The following USF3 variants were observed in gnomAD, a reference collection of about 807,000 sequenced individuals.
USF3 encodes upstream transcription factor family member 3.
USF3 carries 29 observed loss-of-function variants against 157.5 expected under a neutral mutation model. The observed-to-expected ratio is 0.18, with a 90% confidence interval of 0.14 to 0.25. The LOEUF is 0.25. Ranked by LOEUF, USF3 falls within the 10% of genes least tolerant of loss-of-function variation. USF3 has a pLI of 1.00. For synonymous variants in USF3, 893 were observed against 941.4 expected (o/e 0.95, Z 0.94); for missense variants, 2,381 against 2,667.6 (o/e 0.89, Z 2.37).
In USF3 at chr3:113,686,983, G is replaced by A. The variant is rs548055688; in HGVS notation, c.-135+9387C>T. Reference sequence around the variant, plus strand: ...ACTAAGTCTAGCCCACACGCAAAGCGAGAAGAGTTAATCTCTACCTCTTGG... The same window carrying A: ...ACTAAGTCTAGCCCACACGCAAAGCAAGAAGAGTTAATCTCTACCTCTTGG... On this transcript the variant is annotated intron_variant, in intron 1 of 6. Transcript: ENST00000316407. Among the ~76,000 whole-genome samples the A allele has an allele frequency of 2.8e-4, 42 of 152,182 alleles. No homozygotes were observed. In the South Asian group the frequency reaches 4.6e-3, roughly 17 times the overall value.
In USF3 at chr3:113,659,445, G is replaced by A. The variant is rs1213552802; in HGVS notation, c.2237C>T (p.Thr746Ile). 5 of 1,614,232 alleles carry A rather than the reference G, an allele frequency of 3.1e-6. No homozygotes were observed. The highest frequency in any genetic ancestry group is 1.6e-4 in the Middle Eastern group (1 of 6,062). The change falls in exon 7 of 7, where the codon ACT becomes ATT. Residue 746 changes from threonine to isoleucine, a missense_variant. This residue lies in a region of USF3 where 1,435 missense variants were observed against 1,550.9 expected (regional missense o/e 0.93). Coordinates refer to ENST00000316407, the MANE Select transcript of USF3 (RefSeq NM_001009899.4). ...NSQTAANSQT[T>I]TANCVSLTTT... ...TGTTAATGAAACACAGTTAGCTGTA[G>A]TGGTTTGACTATTTGCAGCAGTTTG... is the stretch of plus-strand genomic sequence containing the variant.
chr3:113,660,223 C>T lies in USF3; in HGVS notation c.1459G>A (p.Asp487Asn), dbSNP rs1947457299. ...ACTACTTGCTCAACTGGCTGCCCAT[C>T]TGCTGGAAAGGAATTATTCAAGTTG... The part of the protein sequence containing the change: ...DINLNNSFPA[D>N]GQPVEQVVVT... The change falls in exon 7 of 7, where the codon GAT (aspartate) becomes AAT (asparagine). Residue 487 changes from aspartate (D) to asparagine (N), a missense_variant. Asp to Asn is a conservative substitution (Grantham distance 23, BLOSUM62 1). Coordinates refer to ENST00000316407, the MANE Select transcript of USF3 (RefSeq NM_001009899.4). 3.1e-6 allele frequency: 5 copies of T among 1,614,192 alleles called. No homozygotes were observed. Among genetic ancestry groups the T allele is most frequent in the Non-Finnish European group, 4.2e-6 (5 of 1,180,048 alleles).
At position 113,657,408 on chromosome 3, in the gene USF3, G is replaced by A. The variant is rs377111598; in HGVS notation, c.4274C>T (p.Ser1425Leu). 170 of 1,614,138 alleles carry A rather than the reference G, an allele frequency of 1.1e-4. No homozygotes were observed. The highest frequency in any genetic ancestry group is 7.2e-4 in the Admixed American group (43 of 60,014). The change falls in exon 7 of 7, where the codon TCA (serine) becomes TTA (leucine). Residue 1425 changes from serine (S) to leucine (L), a missense_variant. By Grantham distance (145) the Ser-to-Leu change is moderately radical. This residue lies in a region of USF3 where 1,435 missense variants were observed against 1,550.9 expected (regional missense o/e 0.93). Coordinates refer to ENST00000316407, the MANE Select transcript of USF3 (RefSeq NM_001009899.4). ...CTGGGTTTGCTGCTGTTCAGCAACTGAAGGCTGAGAACCACACTGAACTTC... is the reference window on the plus strand; with the variant it reads ...CTGGGTTTGCTGCTGTTCAGCAACTAAAGGCTGAGAACCACACTGAACTTC... ...QTEVQCGSQP[S>L]VAEQQQTQAS...
rs752645271 is a variant in USF3, at chr3:113,657,629, G to T, written c.4053C>A (p.Pro1351=). The change falls in exon 7 of 7, where the codon CCC becomes CCA. Residue 1351 remains proline, a synonymous_variant. Coordinates refer to ENST00000316407, the MANE Select transcript of USF3 (RefSeq NM_001009899.4). ...AKRQKHCQPA[P]LRLESMSLMS... ...TCAGGGACATACTTTCAAGCCTGAG[G>T]GGGGCTGGCTGACAGTGCTTTTGAC... 4.3e-6 allele frequency: 7 copies of T among 1,614,192 alleles called. No individual in the cohort carries two copies. The highest frequency in any genetic ancestry group is 5.1e-6 in the Non-Finnish European group (6 of 1,180,042).
chr3:113,685,234 C>T (rs1009166433), intron 1 of USF3, among the ~76,000 whole-genome samples: 5 of 152,072 alleles, frequency 3.3e-5, no homozygotes, highest in Admixed American at 2.0e-4. Flanking sequence ...CTGAGCTGCC[C>T]GGAGTTGGGG....
Position 113,650,117 on chromosome 3 carries a change from T to G in USF3, c.*4827A>C, listed in dbSNP as rs1947235723. 3 of 480,234 alleles carry G rather than the reference T, an allele frequency of 6.2e-6. No homozygotes were observed. In the East Asian group the frequency reaches 1.1e-4, roughly 17 times the overall value. 29.7% of individuals were successfully genotyped at this position (480,234 alleles called of 1,614,324 possible). A position where few individuals can be genotyped will look rare whatever the true frequency, so the allele number is the denominator to read the frequency against. ...CACTACCTCCAGGCAAAGGTAGCAT[T>G]TATATAGACAACAAAATTACAAAAA... On this transcript the variant is annotated 3_prime_UTR_variant, in exon 7 of 7. Coordinates refer to ENST00000316407, the MANE Select transcript of USF3 (RefSeq NM_001009899.4).
In USF3 at chr3:113,696,632, T is replaced by A. The variant is rs1353748145; in HGVS notation, c.-397A>T. On this transcript the variant is annotated 5_prime_UTR_variant, in exon 1 of 7. Transcript: ENST00000316407. ...CCGGAGACCCGGCGGCAGCGCGGCCTCAACTTTCCCAGCCCCCCTCCCCCC... is the reference window on the plus strand; with the variant it reads ...CCGGAGACCCGGCGGCAGCGCGGCCACAACTTTCCCAGCCCCCCTCCCCCC... 1 of 145,242 alleles carries A rather than the reference T, an allele frequency of 6.9e-6. No homozygotes were observed. The highest frequency in any genetic ancestry group is 2.1e-4 in the East Asian group (1 of 4,726). The allele number at this position is 145,242 out of a possible 1,614,324, so 9.0% of individuals were successfully genotyped here.
At chr3:113,670,346 C>T in intron 4 of USF3, 143 bp from the exon 5 acceptor site, 1 of 621,638 alleles carries the variant, frequency 1.6e-6, no homozygotes. Flanking sequence ...CACCTGCAAA[C>T]CCAGCATTTT....
rs774201395 is a variant in USF3 at position 113,656,642 on chromosome 3, A to G, written c.5040T>C (p.Asn1680=). The change falls in exon 7 of 7, where the codon AAT becomes AAC. Residue 1680 remains asparagine, a synonymous_variant. Coordinates refer to ENST00000316407, the MANE Select transcript of USF3 (RefSeq NM_001009899.4). ...TTGATATCCCCATTCTCTGCTCTGAATTAGAAGATGTCTTTCCAATGAGTG... is the reference window on the plus strand; with the variant it reads ...TTGATATCCCCATTCTCTGCTCTGAGTTAGAAGATGTCTTTCCAATGAGTG... The part of the protein sequence containing the change: ...AEALIGKTSS[N]SEQRMGISIQ... 1.9e-6 allele frequency: 3 copies of G among 1,614,226 alleles called. No individual in the cohort carries two copies. Among genetic ancestry groups the G allele is most frequent in the Admixed American group, 1.7e-5 (1 of 60,018 alleles).
intron 6 of USF3, 33 bp downstream of exon 6, chr3:113,664,280 T>C: frequency 1.5e-6 from 2 of 1,367,716 alleles, no homozygotes; most frequent in Non-Finnish European, 2.0e-6. Context: ...CATTTTAAAA[T>C]ACAACAAAAA....
chr3:113,674,840 C>A lies in USF3; in HGVS notation c.39G>T (p.Lys13Asn). 6.2e-7 allele frequency: 1 copy of A among 1,613,486 alleles called. No homozygotes were observed. The highest frequency in any genetic ancestry group is 8.5e-7 in the Non-Finnish European group (1 of 1,179,482). Residue 13 changes from lysine (K) to asparagine (N), a missense_variant, in exon 3 of 7, where the codon AAG becomes AAT. By Grantham distance (94) the Lys-to-Asn change is moderately conservative. Around this residue, in one of 6 missense-constraint regions of USF3, gnomAD observed 105 missense variants for 158.6 expected, o/e 0.66. Transcript: ENST00000316407. ...GGGCTGTGGATACATACCTGTGCTG[C>A]TTTTTTGTAGGCGTCTCATTCTCTG... The part of the protein sequence containing the change: ...EMTENETPTK[K>N]QHRKKNRETH...
intron 1 of USF3, among the ~76,000 whole-genome samples, chr3:113,683,968 T>A (rs1707493545): frequency 6.6e-6 from 1 of 152,224 alleles, no homozygotes; most frequent in Non-Finnish European, 1.5e-5. Flanking sequence ...TTCAGACAAT[T>A]TCTTATTACT....
At position 113,659,465 on chromosome 3, in the gene USF3, A is replaced by G. The variant is rs760202530; in HGVS notation, c.2217T>C (p.Thr739=). 5.6e-6 allele frequency: 9 copies of G among 1,614,268 alleles called. No homozygotes were observed. The Admixed American group carries it at 1.5e-4, about 27-fold the overall frequency. ...LSISQPANSQ[T]AANSQTTTAN... ...CTGTAGTGGTTTGACTATTTGCAGC[A>G]GTTTGAGAATTGGCAGGCTGGCTAA... The change falls in exon 7 of 7, where the codon ACT becomes ACC. Residue 739 remains threonine (T), a synonymous_variant. Coordinates refer to ENST00000316407, the MANE Select transcript of USF3 (RefSeq NM_001009899.4).
rs374198538 is a variant in USF3 at position 113,659,103 on chromosome 3, C to T, written c.2579G>A (p.Ser860Asn). ...ACCCAAAGAATGTGAAGCAGAAACACTCACACTATTTGCCTGAGACACAGA... is the reference window on the plus strand; with the variant it reads ...ACCCAAAGAATGTGAAGCAGAAACATTCACACTATTTGCCTGAGACACAGA... Reference protein sequence around the residue: ...SVSVSQANSVSVSASHSLGVL... With the variant: ...SVSVSQANSVNVSASHSLGVL... Residue 860 changes from serine to asparagine, a missense_variant, in exon 7 of 7, where the codon AGT becomes AAT. Physicochemically the swap from Ser to Asn is conservative, Grantham distance 46 (BLOSUM62 1). Transcript: ENST00000316407. 2.5e-6 allele frequency: 4 copies of T among 1,614,052 alleles called. No homozygotes were observed. The highest frequency in any genetic ancestry group is 3.4e-6 in the Non-Finnish European group (4 of 1,180,034).
chr3:113,692,167 G>A (rs1707701011), intron 1 of USF3, among the ~76,000 whole-genome samples: 2 of 152,140 alleles, frequency 1.3e-5, no homozygotes, highest in South Asian at 2.1e-4. Context: ...CTGCTGTGCG[G>A]CCTGATTCCT....
rs187546859 is a variant in USF3, at chr3:113,689,000, A to C, written c.-135+7370T>G. On this transcript the variant is annotated intron_variant, in intron 1 of 6. Coordinates refer to ENST00000316407, the MANE Select transcript of USF3 (RefSeq NM_001009899.4). Reference sequence around the variant, plus strand: ...GAGCCGAGATCATGCCACTGCACTCAAGCCTGGGCAACAGAGGGAGACTCC... The same window carrying C: ...GAGCCGAGATCATGCCACTGCACTCCAGCCTGGGCAACAGAGGGAGACTCC... 6.1e-3 allele frequency among the ~76,000 whole-genome samples: 923 copies of C among 151,950 alleles called. 4 individuals are homozygous for C. The highest frequency in any genetic ancestry group is 0.014 in the African/African-American group (578 of 41,422).
At chr3:113,677,088 T>C (rs1330896193) in intron 2 of USF3, among the ~76,000 whole-genome samples, 194 bp downstream of exon 2, 1 of 152,182 alleles carries the variant, frequency 6.6e-6, no homozygotes, top group Non-Finnish European at 1.5e-5. Flanking sequence ...CAGAAAGCAC[T>C]GACTGAAGCA....
rs1259016449 is a variant in USF3, at chr3:113,670,170, C to T, written c.110G>A (p.Gly37Glu). The T allele has an allele frequency of 6.2e-7, 1 of 1,613,470 alleles. No homozygotes were observed. Among genetic ancestry groups the T allele is most frequent in the Non-Finnish European group, 8.5e-7 (1 of 1,179,456 alleles). ...GATCAGCTCTCCTATTCTGTTTATC[C>T]CAGCATTAATTTTCTTCTTTCTATG... ...ERHRKKKINA[G>E]INRIGELIPC... The change falls in exon 5 of 7, where the codon GGG becomes GAG. Residue 37 changes from glycine to glutamate, a missense_variant. Gly to Glu is a moderately conservative substitution (Grantham distance 98). This residue lies in a region of USF3 where 105 missense variants were observed against 158.6 expected (regional missense o/e 0.66). Coordinates refer to ENST00000316407, the MANE Select transcript of USF3 (RefSeq NM_001009899.4).
At chr3:113,661,491 A>G in intron 6 of USF3, 66 bp from the exon 7 acceptor site, 1 of 894,198 alleles carries the variant, frequency 1.1e-6, no homozygotes, top group Non-Finnish European at 1.7e-6. Context: ...AACTTGATAA[A>G]GAACTGTATA....
Sources: allele counts gnomAD v4.1 joint callset (sites outside exome capture counted in the v4.1 genomes callset), GRCh38; gene constraint gnomAD v4.1.1; regional missense constraint gnomAD v4.1.1; transcripts MANE v1.5; gene names NCBI Gene and HGNC (gene_info 2026-07-23, HGNC 2026-07-21).